SORCS2: variants seen among roughly 807,000 people sequenced by gnomAD.
The protein encoded by SORCS2 is sortilin related VPS10 domain containing receptor 2, also known as VPS10 domain-containing receptor SorCS2.
SORCS2 carries 100 observed loss-of-function variants against 141.6 expected under a neutral mutation model. The observed-to-expected ratio is 0.71, with a 90% CI of 0.60 to 0.83. The LOEUF is 0.83. SORCS2 is among the 40% of genes least tolerant of loss of function. The pLI, the probability that SORCS2 is intolerant of heterozygous loss-of-function variation, is 0.00. For missense variants in SORCS2, 1,646 were observed against 1,560.2 expected (o/e 1.05, Z -0.93); for synonymous variants, 789 against 676.9 (o/e 1.17, Z -2.57).
chr4:7,310,879 C>T (rs934644766), intron 1 of SORCS2, among the ~76,000 whole-genome samples: 2 of 152,212 alleles, frequency 1.3e-5, no homozygotes, highest in African/African-American at 2.4e-5. Context: ...TCACCATCAG[C>T]TAGAACAACA....
At position 7,734,282 on chromosome 4, in the gene SORCS2, G is replaced by C. The variant is rs1711968747; in HGVS notation, c.3219G>C (p.Gln1073His). ...ALRDTGTGAE[Q>H]LGGGGGYWAV... ...CCGCTTTGCTTGCAGGTGCTGAGCA[G>C]CTGGGCGGCGGTGGCGGCTACTGGG... Residue 1073 changes from glutamine (Q) to histidine (H), a missense_variant, in exon 25 of 27, where the codon CAG becomes CAC. By Grantham distance (24) the Gln-to-His change is conservative. Transcript: ENST00000507866. The C allele has an allele frequency of 6.2e-7, 1 of 1,600,448 alleles. No individual in the cohort carries two copies. The highest frequency in any genetic ancestry group is 1.3e-5 in the African/African-American group (1 of 74,658).
intron 1 of SORCS2, among the ~76,000 whole-genome samples, chr4:7,360,391 C>A (rs1407018082): frequency 1.3e-5 from 2 of 151,876 alleles, no homozygotes; most frequent in African/African-American, 4.8e-5. Context: ...CTGGGAGGTC[C>A]TTTGCCACAC....
intron 1 of SORCS2, among the ~76,000 whole-genome samples, chr4:7,395,913 C>A (rs890565760): frequency 3.3e-5 from 5 of 152,194 alleles, no homozygotes; most frequent in African/African-American, 9.6e-5. Context: ...TCTCCAGAAG[C>A]CTTGCCAAAT....
intron 1 of SORCS2, among the ~76,000 whole-genome samples, chr4:7,311,258 T>A (rs4689698): frequency 0.3 from 44,970 of 152,080 alleles, 6,754 homozygotes; most frequent in Admixed American, 0.33. Flanking sequence ...GTCAATCAAT[T>A]GTTCGTTCCC....
At chr4:7,467,077 C>A (rs532859184) in intron 2 of SORCS2, among the ~76,000 whole-genome samples, 2 of 152,152 alleles carry the variant, frequency 1.3e-5, no homozygotes, top group African/African-American at 2.4e-5. Flanking sequence ...GGTTTTGTCT[C>A]AGCATCTAAA....
chr4:7,634,933 C>T (rs1720145954), intron 3 of SORCS2, among the ~76,000 whole-genome samples: 1 of 152,218 alleles, frequency 6.6e-6, no homozygotes, highest in Admixed American at 6.5e-5. Context: ...CTCCAGCGTG[C>T]CTGGCCAGCC....
intron 2 of SORCS2, among the ~76,000 whole-genome samples, chr4:7,456,435 G>T (rs1257520089): frequency 1.3e-5 from 2 of 152,116 alleles, no homozygotes; most frequent in Non-Finnish European, 2.9e-5. Flanking sequence ...ACCTTTACAT[G>T]CATTTTTTTC....
At chr4:7,238,643 C>T (rs930291945) in intron 1 of SORCS2, among the ~76,000 whole-genome samples, 19 of 152,176 alleles carry the variant, frequency 1.2e-4, no homozygotes, top group African/African-American at 4.1e-4. Context: ...TGCACCCTCA[C>T]GTGGTTGTGT....
intron 1 of SORCS2, among the ~76,000 whole-genome samples, chr4:7,226,019 C>T (rs1220616586): frequency 6.6e-6 from 1 of 152,162 alleles, no homozygotes; most frequent in Non-Finnish European, 1.5e-5. Context: ...TGTCAAAGCA[C>T]TTGGGGCTGT....
chr4:7,548,496 AG>A (rs1268611290), intron 3 of SORCS2, among the ~76,000 whole-genome samples: 2 of 152,150 alleles, frequency 1.3e-5, no homozygotes, highest in Non-Finnish European at 2.9e-5. Flanking sequence ...GCTTCATGTC[AG>A]GGGGGTTGGT....
intron 14 of SORCS2, among the ~76,000 whole-genome samples, chr4:7,707,634 CTGG>C (rs1342492655): frequency 1.3e-5 from 2 of 152,256 alleles, no homozygotes; most frequent in Non-Finnish European, 2.9e-5. Flanking sequence ...GTTGCCCTTG[CTGG>C]TGGCTGTGCC....
intron 2 of SORCS2, among the ~76,000 whole-genome samples, chr4:7,527,691 C>A (rs1577700420): frequency 6.6e-6 from 1 of 151,602 alleles, no homozygotes; most frequent in African/African-American, 2.4e-5. Context: ...TCACAGGCCC[C>A]CCCACCAGGT....
chr4:7,444,295 A>G (rs1727859653), intron 2 of SORCS2, among the ~76,000 whole-genome samples: 1 of 152,242 alleles, frequency 6.6e-6, no homozygotes, highest in South Asian at 2.1e-4. Context: ...TAAACAACAC[A>G]TAATAAGTGT....
At chr4:7,276,195 A>C (rs999078288) in intron 1 of SORCS2, among the ~76,000 whole-genome samples, 1 of 152,006 alleles carries the variant, frequency 6.6e-6, no homozygotes, top group African/African-American at 2.4e-5. Context: ...GGGCTGTTGC[A>C]CTTTGGTCCC....
At chr4:7,487,339 AT>A (rs1336532303) in intron 2 of SORCS2, among the ~76,000 whole-genome samples, 1 of 152,170 alleles carries the variant, frequency 6.6e-6, no homozygotes, top group Non-Finnish European at 1.5e-5. Context: ...GGGCTGTGTT[AT>A]CCCCATCCTA....
chr4:7,678,335 A>C (rs1423349546), intron 9 of SORCS2, among the ~76,000 whole-genome samples: 1 of 150,738 alleles, frequency 6.6e-6, no homozygotes, highest in Non-Finnish European at 1.5e-5. Flanking sequence ...TCCAAAGGCG[A>C]CACCCACCGT....
At chr4:7,436,064 A>C (rs1288779064) in intron 2 of SORCS2, among the ~76,000 whole-genome samples, 1 of 152,230 alleles carries the variant, frequency 6.6e-6, no homozygotes, top group Non-Finnish European at 1.5e-5. Flanking sequence ...CCTGCTGGGT[A>C]CAGGGGTCAG....
chr4:7,642,788 T>A (rs746179144), intron 4 of SORCS2, among the ~76,000 whole-genome samples: 3 of 152,220 alleles, frequency 2.0e-5, no homozygotes, highest in Non-Finnish European at 4.4e-5. Context: ...TCCTGGTTAC[T>A]GGTGGAGTTT....
chr4:7,602,517 G>A (rs1717779034), intron 3 of SORCS2, among the ~76,000 whole-genome samples: 2 of 150,892 alleles, frequency 1.3e-5, no homozygotes, highest in South Asian at 4.2e-4. Context: ...CTCAGACGAT[G>A]GGCGGCCGGG....
Sources: allele counts gnomAD v4.1 joint callset (sites outside exome capture counted in the v4.1 genomes callset), GRCh38; gene constraint gnomAD v4.1.1; transcripts MANE v1.5; gene names NCBI Gene and HGNC (gene_info 2026-07-23, HGNC 2026-07-21).